The following WDPCP variants were observed in gnomAD, a reference collection of about 807,000 sequenced individuals.
WDPCP encodes the protein WD repeat-containing and planar cell polarity effector protein fritz homolog.
A neutral mutation model predicts 93.1 loss-of-function variants in WDPCP; 71 were observed. The observed-to-expected ratio is 0.76, with a 90% CI of 0.63 to 0.93. The LOEUF is 0.93. WDPCP is among the 40% of genes least tolerant of loss of function. The pLI is 0.00. For missense variants in WDPCP, 844 were observed against 887.4 expected (o/e 0.95, Z 0.62); for synonymous variants, 315 against 315.0 (o/e 1.00, Z 0.00).
At chr2:63,327,299 C>T (rs1242884958) in intron 12 of WDPCP, among the ~76,000 whole-genome samples, 1 of 152,102 alleles carries the variant, frequency 6.6e-6, no homozygotes, top group Non-Finnish European at 1.5e-5. Flanking sequence ...GCCATCTATA[C>T]CAATTCTAAG....
chr2:63,526,701 T>C (rs1420352924), intron 1 of WDPCP, among the ~76,000 whole-genome samples: 1 of 152,218 alleles, frequency 6.6e-6, no homozygotes, highest in Non-Finnish European at 1.5e-5. Flanking sequence ...GCTGGCTGCT[T>C]CTCATGATTC....
At chr2:63,124,960 T>C (rs1669796376) in intron 17 of WDPCP, among the ~76,000 whole-genome samples, 1 of 152,118 alleles carries the variant, frequency 6.6e-6, no homozygotes, top group African/African-American at 2.4e-5. Flanking sequence ...TCCCTATTCC[T>C]CTCATTTAAG....
chr2:63,491,370 T>C (rs1330154150), intron 2 of WDPCP, among the ~76,000 whole-genome samples: 4 of 152,212 alleles, frequency 2.6e-5, no homozygotes, highest in African/African-American at 7.2e-5. Flanking sequence ...GGAAGCCCTG[T>C]GTACACACAT....
chr2:63,682,086 C>T (rs372861321), intron 2 of WDPCP, among the ~76,000 whole-genome samples: 27 of 152,356 alleles, frequency 1.8e-4, no homozygotes, highest in African/African-American at 6.3e-4. Context: ...CAAGCCCAGA[C>T]TGCGAAGACA....
At chr2:63,476,864 T>G (rs1282919181) in intron 6 of WDPCP, among the ~76,000 whole-genome samples, 3 of 152,178 alleles carry the variant, frequency 2.0e-5, no homozygotes, top group African/African-American at 7.2e-5. Context: ...AGGTCACAAT[T>G]TATCTGTGAT....
At chr2:63,666,014 A>C (rs758407452) in intron 2 of WDPCP, among the ~76,000 whole-genome samples, 13 of 152,232 alleles carry the variant, frequency 8.5e-5, no homozygotes, top group Non-Finnish European at 1.6e-4. Flanking sequence ...TCTGCACAAC[A>C]TGTGGTGGTA....
intron 15 of WDPCP, chr2:63,168,625 C>T (rs1452648873): frequency 6.6e-6 from 1 of 152,128 alleles, no homozygotes; most frequent in Non-Finnish European, 1.5e-5. Context: ...TTTCTTCTCA[C>T]TTATTTATCA....
chr2:63,532,853 G>A (rs769783105), intron 1 of WDPCP, among the ~76,000 whole-genome samples: 5 of 152,018 alleles, frequency 3.3e-5, no homozygotes, highest in East Asian at 1.9e-4. Flanking sequence ...AAATTAACAC[G>A]TAACAATATT....
chr2:63,661,744 A>C (rs551252731), intron 2 of WDPCP, among the ~76,000 whole-genome samples: 1 of 152,348 alleles, frequency 6.6e-6, no homozygotes, highest in Admixed American at 6.5e-5. Flanking sequence ...GACATAATAG[A>C]TGCTAAATAC....
chr2:63,171,636 C>G (rs1673396742), intron 15 of WDPCP, among the ~76,000 whole-genome samples: 1 of 152,140 alleles, frequency 6.6e-6, no homozygotes, highest in Non-Finnish European at 1.5e-5. Flanking sequence ...TTTCTTAAAA[C>G]TAGCGAATTA....
At chr2:63,604,705 A>C (rs1709493602) in intron 3 of WDPCP, 1 of 1,613,142 alleles carries the variant, frequency 6.2e-7, no homozygotes, top group Non-Finnish European at 8.5e-7. Context: ...GATTGCTCTT[A>C]AACTTGGTGT....
chr2:63,437,555 C>G lies in WDPCP; in HGVS notation c.500-1G>C, dbSNP rs2105501538. On this transcript the variant is annotated splice_acceptor_variant, in intron 7 of 17. Coordinates refer to ENST00000272321, the MANE Select transcript of WDPCP (RefSeq NM_015910.7). LOFTEE classifies it high-confidence loss of function. Reference sequence around the variant, plus strand: ...ATGATAAAACTGTCTGTGAGAAGAGCTAAAAAACATAATTAGATATTACCA... The same window carrying G: ...ATGATAAAACTGTCTGTGAGAAGAGGTAAAAAACATAATTAGATATTACCA... The G allele has an allele frequency of 6.3e-7, 1 of 1,581,120 alleles. No homozygotes were observed. The highest frequency in any genetic ancestry group is 2.3e-5 in the East Asian group (1 of 44,332).
At chr2:63,747,314 T>A (rs1669814383) in intron 2 of WDPCP, among the ~76,000 whole-genome samples, 1 of 152,206 alleles carries the variant, frequency 6.6e-6, no homozygotes, top group Admixed American at 6.6e-5. Flanking sequence ...AAATTTTCAA[T>A]CTTTCACCTG....
chr2:63,433,403 A>T (rs1216538165), intron 9 of WDPCP, among the ~76,000 whole-genome samples: 1 of 152,242 alleles, frequency 6.6e-6, no homozygotes, highest in Non-Finnish European at 1.5e-5. Context: ...CTTACTATAC[A>T]TTGATATTGC....
At chr2:63,368,969 A>G (rs1258129768) in intron 12 of WDPCP, 2 of 154,068 alleles carry the variant, frequency 1.3e-5, no homozygotes, top group African/African-American at 4.8e-5. Flanking sequence ...ATAGAGTAGA[A>G]TATCTAACAA....
chr2:63,509,383 A>G (rs188442826), intron 1 of WDPCP, among the ~76,000 whole-genome samples: 39 of 152,354 alleles, frequency 2.6e-4, no homozygotes, highest in Admixed American at 1.0e-3. Flanking sequence ...CTTTGAAACC[A>G]GTAAGAACAA....
chr2:63,301,171 TGAGCCTCTCTACTGGAAACCAG>T (rs1685303386), intron 13 of WDPCP, among the ~76,000 whole-genome samples: 1 of 152,238 alleles, frequency 6.6e-6, no homozygotes, highest in Non-Finnish European at 1.5e-5. Context: ...CTTCCCTTTT[TGAGCCTCTCTACTGGAAACCAG>T]GCTTTCTGCT....
chr2:63,442,254 C>A (rs1231166211), intron 6 of WDPCP: 1 of 152,186 alleles, frequency 6.6e-6, no homozygotes, highest in East Asian at 1.9e-4. Flanking sequence ...CTCTCTGTCC[C>A]TTCATTTCCT....
intron 13 of WDPCP, among the ~76,000 whole-genome samples, chr2:63,287,436 C>A (rs1201651414): frequency 6.6e-6 from 1 of 151,692 alleles, no homozygotes; most frequent in African/African-American, 2.4e-5. Context: ...TGTTGTAACA[C>A]CCTAATTATT....
Sources: gnomAD v4.1 joint callset for allele counts (sites outside exome capture counted in the v4.1 genomes callset) on GRCh38, gnomAD v4.1.1 for gene constraint, MANE v1.5 for transcripts, NCBI Gene and HGNC (gene_info 2026-07-23, HGNC 2026-07-21) for gene names.